KAZN: variants seen among roughly 807,000 people sequenced by gnomAD.
KAZN encodes kazrin.
A neutral mutation model predicts 87.4 loss-of-function variants in KAZN; 40 were observed. That is an observed-to-expected ratio of 0.46 (90% CI 0.36 to 0.60). The LOEUF (loss-of-function observed/expected upper bound fraction) is 0.60. Among genes scored for constraint, KAZN ranks in the 20% least tolerant of loss-of-function variants. The pLI, the probability that KAZN is intolerant of heterozygous loss-of-function variation, is 0.00. For synonymous variants in KAZN, 466 were observed against 458.3 expected, an observed-to-expected ratio of 1.02 and a Z score of -0.22; for missense variants, 898 against 1,073.9, an observed-to-expected ratio of 0.84 and a Z score of 2.29.
intron 1 of KAZN, among the ~76,000 whole-genome samples, chr1:14,047,326 A>G (rs1421076980): frequency 1.3e-5 from 2 of 152,188 alleles, no homozygotes; most frequent in South Asian, 2.1e-4. Flanking sequence ...CATATGCTTA[A>G]TCTTCAATAT....
At chr1:14,162,765 C>T (rs578125280) in intron 1 of KAZN, among the ~76,000 whole-genome samples, 17 of 152,134 alleles carry the variant, frequency 1.1e-4, no homozygotes, top group Non-Finnish European at 2.2e-4. Flanking sequence ...AGGATGGTCT[C>T]ATTCTCCTGA....
intron 2 of KAZN, among the ~76,000 whole-genome samples, chr1:14,998,149 C>T (rs1048807069): frequency 7.4e-5 from 11 of 148,360 alleles, no homozygotes; most frequent in African/African-American, 1.5e-4. Flanking sequence ...GCACAGACGG[C>T]GGGGGGGAGG....
At chr1:14,381,510 G>C (rs905803013) in intron 2 of KAZN, among the ~76,000 whole-genome samples, 19 of 152,256 alleles carry the variant, frequency 1.2e-4, no homozygotes, top group African/African-American at 4.6e-4. Flanking sequence ...CAGGATGCAA[G>C]AATGGTTCAA....
chr1:14,444,410 C>T (rs1053672305), intron 2 of KAZN, among the ~76,000 whole-genome samples: 5 of 147,660 alleles, frequency 3.4e-5, no homozygotes, highest in East Asian at 4.1e-4. Flanking sequence ...CCTCCCAGGT[C>T]CAACTGATTC....
intron 2 of KAZN, among the ~76,000 whole-genome samples, chr1:14,992,958 G>A (rs755664851): frequency 7.3e-5 from 11 of 150,062 alleles, no homozygotes; most frequent in Non-Finnish European, 1.5e-4. Flanking sequence ...TGGTTAAGAT[G>A]GTAAATTTTA....
chr1:14,477,721 T>C (rs1668830852), intron 2 of KAZN, among the ~76,000 whole-genome samples: 1 of 152,042 alleles, frequency 6.6e-6, no homozygotes, highest in Non-Finnish European at 1.5e-5. Context: ...AGAAGTGCCC[T>C]GGGGTGAAAG....
At chr1:14,805,797 AT>A (rs1646196568) in intron 1 of KAZN, among the ~76,000 whole-genome samples, 1 of 146,502 alleles carries the variant, frequency 6.8e-6, no homozygotes, top group Non-Finnish European at 1.5e-5. Context: ...AATAATAATA[AT>A]AATAATAAAT....
At chr1:14,061,430 G>A (rs1033692877) in intron 1 of KAZN, among the ~76,000 whole-genome samples, 1 of 152,234 alleles carries the variant, frequency 6.6e-6, no homozygotes, top group Non-Finnish European at 1.5e-5. Flanking sequence ...AGGCCAGGCA[G>A]GCAGAAGAGA....
At chr1:14,841,337 C>CGGAGCTTGCAGT (rs1203164389) in intron 1 of KAZN, among the ~76,000 whole-genome samples, 1 of 137,160 alleles carries the variant, frequency 7.3e-6, no homozygotes, top group Non-Finnish European at 1.5e-5. Flanking sequence ...ACCCGGGAGG[C>CGGAGCTTGCAGT]GGAGCTTGCA....
intron 1 of KAZN, among the ~76,000 whole-genome samples, chr1:14,674,610 C>G (rs1640107614): frequency 6.6e-6 from 1 of 152,206 alleles, no homozygotes; most frequent in Admixed American, 6.5e-5. Context: ...AGGACAAAGG[C>G]CAAATGTCTT....
At chr1:14,768,651 G>A (rs1179382319) in intron 1 of KAZN, among the ~76,000 whole-genome samples, 1 of 152,170 alleles carries the variant, frequency 6.6e-6, no homozygotes, top group Non-Finnish European at 1.5e-5. Context: ...AGATCCTCAA[G>A]AATAACAGCA....
At chr1:14,557,666 G>GTGTGGT (rs1553188720) in intron 2 of KAZN, among the ~76,000 whole-genome samples, 9 of 108,110 alleles carry the variant, frequency 8.3e-5, no homozygotes, top group Non-Finnish European at 1.1e-4. Context: ...GTGTGTGTGT[G>GTGTGGT]GTGTGTGAGA....
At chr1:13,973,943 T>C (rs1325661087) in intron 1 of KAZN, among the ~76,000 whole-genome samples, 1 of 152,214 alleles carries the variant, frequency 6.6e-6, no homozygotes, top group Non-Finnish European at 1.5e-5. Context: ...CCTAAGACTA[T>C]GCATATCGTC....
intron 2 of KAZN, among the ~76,000 whole-genome samples, chr1:14,377,464 TAGC>T (rs1661007873): frequency 6.6e-6 from 1 of 152,068 alleles, no homozygotes; most frequent in Non-Finnish European, 1.5e-5. Flanking sequence ...ACGTAAGAAA[TAGC>T]AGTTCCAACA....
chr1:15,029,534 G>A (rs965036105), intron 2 of KAZN, among the ~76,000 whole-genome samples: 31 of 152,212 alleles, frequency 2.0e-4, no homozygotes, highest in African/African-American at 7.0e-4. Flanking sequence ...TTGGACTGCC[G>A]GATAAATGAT....
At chr1:13,896,027 T>A in intron 1 of KAZN, among the ~76,000 whole-genome samples, 1 of 152,170 alleles carries the variant, frequency 6.6e-6, no homozygotes, top group East Asian at 1.9e-4. Flanking sequence ...GGTCTTGCTT[T>A]GTCACCCAGG....
chr1:14,144,719 G>T (rs1354461712), intron 1 of KAZN, among the ~76,000 whole-genome samples: 1 of 152,208 alleles, frequency 6.6e-6, no homozygotes, highest in East Asian at 1.9e-4. Flanking sequence ...TCTGGTGAGG[G>T]CCTCACTCTG....
At chr1:14,161,785 C>G (rs187373989) in intron 1 of KAZN, among the ~76,000 whole-genome samples, 1 of 152,252 alleles carries the variant, frequency 6.6e-6, no homozygotes, top group African/African-American at 2.4e-5. Context: ...CTCCAAACCC[C>G]CCAAAATCTC....
At position 15,028,234 on chromosome 1, in the gene KAZN, C is replaced by T. The variant is rs550891063; in HGVS notation, c.419-6515C>T. On this transcript the variant is annotated intron_variant, in intron 2 of 14. Transcript: ENST00000376030. ...TCCAGAGTCCCCACATTCCCAGGAG[C>T]GGGCTGGTCTCATTCCATGATCCTG... Among the ~76,000 whole-genome samples, 5 of 152,354 alleles carry T rather than the reference C, an allele frequency of 3.3e-5. No individual in the cohort carries two copies. In the South Asian group the frequency reaches 1.0e-3, roughly 32 times the overall value.
Sources: gnomAD v4.1 joint callset for allele counts (sites outside exome capture counted in the v4.1 genomes callset) on GRCh38, gnomAD v4.1.1 for gene constraint, MANE v1.5 for transcripts, NCBI Gene and HGNC (gene_info 2026-07-23, HGNC 2026-07-21) for gene names.